Variants in RBFOX1 observed in about 807,000 individuals in gnomAD.
RBFOX1 encodes RNA binding protein fox-1 homolog 1.
RBFOX1 carries 8 observed loss-of-function variants against 57.7 expected under a neutral mutation model. That is an observed-to-expected ratio of 0.14 (90% CI 0.08 to 0.25). The LOEUF (loss-of-function observed/expected upper bound fraction) is 0.25, where lower values mean the gene tolerates loss of function less well. RBFOX1 is among the 10% of genes least tolerant of loss of function. The pLI is 1.00. For missense variants in RBFOX1, 611 were observed against 548.5 expected (o/e 1.11, Z -1.14); for synonymous variants, 326 against 222.4 (o/e 1.47, Z -4.15).
intron 1 of RBFOX1, among the ~76,000 whole-genome samples, chr16:5,341,300 A>G (rs2065025782): frequency 7.2e-6 from 1 of 137,974 alleles, no homozygotes; most frequent in South Asian, 2.1e-4. Context: ...GCATGGTCTG[A>G]TTTATATTGA....
chr16:7,075,747 A>AT (rs1036780930), intron 4 of RBFOX1, among the ~76,000 whole-genome samples: 28 of 151,544 alleles, frequency 1.8e-4, no homozygotes, highest in Middle Eastern at 6.8e-3. Flanking sequence ...CGCTCGGCTA[A>AT]TTTTTTTTAT....
chr16:5,653,529 G>T (rs182950502), intron 3 of RBFOX1, among the ~76,000 whole-genome samples: 6 of 150,968 alleles, frequency 4.0e-5, no homozygotes, highest in Non-Finnish European at 8.9e-5. Flanking sequence ...CGTGTGCTGC[G>T]CCTTTGTGCA....
At chr16:6,662,517 G>C (rs960665601) in intron 3 of RBFOX1, among the ~76,000 whole-genome samples, 1 of 152,180 alleles carries the variant, frequency 6.6e-6, no homozygotes, top group Admixed American at 6.5e-5. Context: ...ACTTAGATTA[G>C]ATTTCAGGTG....
intron 1 of RBFOX1, among the ~76,000 whole-genome samples, chr16:6,231,216 T>TTGTGTGTGTG (rs530803836): frequency 6.9e-6 from 1 of 145,040 alleles, no homozygotes; most frequent in African/African-American, 2.5e-5. Context: ...GTGTATGTGT[T>TTGTGTGTGTG]TGTGTGTGTG....
At chr16:7,243,472 G>A (rs1343778307) in intron 4 of RBFOX1, among the ~76,000 whole-genome samples, 1 of 152,150 alleles carries the variant, frequency 6.6e-6, no homozygotes, top group Non-Finnish European at 1.5e-5. Context: ...AAGAAACTGA[G>A]GCTTAAAAAA....
At chr16:7,033,253 G>A (rs367585108) in intron 3 of RBFOX1, among the ~76,000 whole-genome samples, 2 of 152,218 alleles carry the variant, frequency 1.3e-5, no homozygotes, top group East Asian at 3.9e-4. Flanking sequence ...GGCACAGTGG[G>A]TCACGCCTGT....
At chr16:6,281,408 G>A (rs1269060414) in intron 1 of RBFOX1, among the ~76,000 whole-genome samples, 1 of 152,102 alleles carries the variant, frequency 6.6e-6, no homozygotes, top group African/African-American at 2.4e-5. Context: ...CAACTCCGGA[G>A]CCCACGCCTT....
At position 6,609,962 on chromosome 16, in the gene RBFOX1, C is replaced by G. The variant is rs1601439286; in HGVS notation, c.-63-44641C>G. ...GGTGGAGGTTGCCGTGAGCCGAGATCACGCCATTGCACTCCAGGCCTGGCA... is the reference window on the plus strand; with the variant it reads ...GGTGGAGGTTGCCGTGAGCCGAGATGACGCCATTGCACTCCAGGCCTGGCA... On this transcript the variant is annotated intron_variant, in intron 2 of 15. Transcript: ENST00000550418. Among the ~76,000 whole-genome samples, 3 of 152,002 alleles carry G rather than the reference C, an allele frequency of 2.0e-5. No individual in the cohort carries two copies. In the East Asian group the frequency reaches 5.8e-4, roughly 30 times the overall value.
At chr16:7,094,877 CG>C (rs1175057161) in intron 4 of RBFOX1, among the ~76,000 whole-genome samples, 1 of 151,656 alleles carries the variant, frequency 6.6e-6, no homozygotes, top group Non-Finnish European at 1.5e-5. Context: ...ATTTGGATAA[CG>C]TGTTCTCTTT....
At chr16:7,412,363 C>T (rs1026927540) in intron 4 of RBFOX1, among the ~76,000 whole-genome samples, 2 of 142,994 alleles carry the variant, frequency 1.4e-5, no homozygotes, top group Non-Finnish European at 1.5e-5. Flanking sequence ...TGCAGGGAGC[C>T]GAGATCGCAC....
intron 4 of RBFOX1, among the ~76,000 whole-genome samples, chr16:7,052,967 C>T (rs1413665243): frequency 6.6e-5 from 10 of 151,920 alleles, no homozygotes; most frequent in Admixed American, 3.9e-4. Flanking sequence ...AAATATGCTG[C>T]TTTTAAAACC....
At chr16:6,388,790 A>T (rs78750821) in intron 2 of RBFOX1, among the ~76,000 whole-genome samples, 21,067 of 152,202 alleles carry the variant, frequency 0.14, 1,801 homozygotes, top group African/African-American at 0.23. Context: ...GCAATATGGA[A>T]GAACCTGGAG....
At chr16:6,271,336 A>G (rs186256707) in intron 1 of RBFOX1, among the ~76,000 whole-genome samples, 12 of 152,308 alleles carry the variant, frequency 7.9e-5, no homozygotes, top group Admixed American at 7.8e-4. Context: ...AGACAGGAGA[A>G]TCATTTGAAT....
intron 4 of RBFOX1, among the ~76,000 whole-genome samples, chr16:7,515,871 A>G (rs541212532): frequency 6.6e-6 from 1 of 151,730 alleles, no homozygotes. Context: ...TTGAGACGGA[A>G]TCTTGCTCTG....
intron 4 of RBFOX1, among the ~76,000 whole-genome samples, chr16:7,456,701 C>T (rs1234224794): frequency 4.6e-5 from 7 of 152,124 alleles, no homozygotes; most frequent in Admixed American, 4.6e-4. Context: ...GTTCACCTTC[C>T]TGAGCTTGAT....
At chr16:6,890,619 G>A (rs982874677) in intron 3 of RBFOX1, among the ~76,000 whole-genome samples, 1 of 152,176 alleles carries the variant, frequency 6.6e-6, no homozygotes, top group Non-Finnish European at 1.5e-5. Flanking sequence ...ATCGTTTATT[G>A]TGTTGGTGTT....
At chr16:5,502,720 T>C (rs777960300) in intron 2 of RBFOX1, among the ~76,000 whole-genome samples, 1 of 152,136 alleles carries the variant, frequency 6.6e-6, no homozygotes, top group Non-Finnish European at 1.5e-5. Flanking sequence ...TGAGTTATAG[T>C]CTGTCTGCAG....
chr16:6,894,117 C>T (rs972506809), intron 3 of RBFOX1, among the ~76,000 whole-genome samples: 1 of 152,146 alleles, frequency 6.6e-6, no homozygotes, highest in Non-Finnish European at 1.5e-5. Context: ...TACAAACATA[C>T]ATAGATTATG....
chr16:7,082,259 C>G (rs1273212255), intron 4 of RBFOX1, among the ~76,000 whole-genome samples: 1 of 152,114 alleles, frequency 6.6e-6, no homozygotes, highest in Non-Finnish European at 1.5e-5. Context: ...AATACATTGT[C>G]AAGTGATGTC....
Sources: allele counts gnomAD v4.1 joint callset (sites outside exome capture counted in the v4.1 genomes callset), GRCh38; gene constraint gnomAD v4.1.1; transcripts MANE v1.5; gene names NCBI Gene and HGNC (gene_info 2026-07-23, HGNC 2026-07-21).